Variants in RAB9B observed in about 807,000 individuals in gnomAD.
RAB9B encodes ras-related protein Rab-9B.
RAB9B carries 1 observed loss-of-function variant against 8.9 expected under a neutral mutation model. The ratio of observed to expected loss-of-function variants is 0.11; its 90% CI spans 0.04 to 0.53. The LOEUF (loss-of-function observed/expected upper bound fraction) is 0.53, where lower values mean the gene tolerates loss of function less well. Among genes scored for constraint, RAB9B ranks in the 20% least tolerant of loss-of-function variants. The pLI is 0.93. For synonymous variants in RAB9B, 63 were observed against 57.0 expected (o/e 1.10, Z -0.47); for missense variants, 82 against 152.9 (o/e 0.54, Z 2.45).
Position 103,823,261 on chromosome X carries a change from A to G in RAB9B, c.*1918T>C, listed in dbSNP as rs2074669740. On this transcript the variant is annotated 3_prime_UTR_variant, in exon 3 of 3. Coordinates refer to ENST00000243298, the MANE Select transcript of RAB9B (RefSeq NM_016370.4). ...GAAACCAGTGTGGCTGGCTATAGGC[A>G]TAGGCAGGATAGGGACCAGTACTTA... The G allele has an allele frequency of 1.8e-5, 2 of 112,128 alleles. No homozygotes were observed. The highest frequency in any genetic ancestry group is 6.5e-5 in the African/African-American group (2 of 30,845). The allele number at this position is 112,128 out of a possible 1,213,427, so 9.2% of individuals were successfully genotyped here.
intron 1 of RAB9B, among the ~76,000 whole-genome samples, chrX:103,827,471 T>A (rs2074687602): frequency 9.0e-6 from 1 of 111,181 alleles, no homozygotes; most frequent in Non-Finnish European, 1.9e-5. Context: ...ACTTCTTCCT[T>A]TTATACCTAC....
chrX:103,778,475 C>T, the RAB9B span, among the ~76,000 whole-genome samples: 2 of 111,350 alleles, frequency 1.8e-5, no homozygotes, highest in East Asian at 2.8e-4. Flanking sequence ...TAATGTCAGC[C>T]GAGCTGACTG....
At chrX:103,821,685 G>T (rs2074661373), downstream of RAB9B, among the ~76,000 whole-genome samples, 1 of 111,858 alleles carries the variant, frequency 8.9e-6, no homozygotes, top group Admixed American at 9.5e-5. Flanking sequence ...CAATTCACCA[G>T]TCAGGAAAAT....
chrX:103,797,478 T>C, the RAB9B span, among the ~76,000 whole-genome samples: 26,995 of 111,281 alleles, frequency 0.24, 2,704 homozygotes, highest in Admixed American at 0.33. Context: ...GCTAGGGTTA[T>C]ACTTTTACAG....
chrX:103,782,814 G>T, the RAB9B span, among the ~76,000 whole-genome samples: 798 of 111,557 alleles, frequency 7.2e-3, 6 homozygotes, highest in African/African-American at 0.025. Flanking sequence ...CCGGCTGCAG[G>T]CCCCTGTGGA....
At chrX:103,827,291 C>A (rs1381441475) in intron 1 of RAB9B, among the ~76,000 whole-genome samples, 1 of 111,515 alleles carries the variant, frequency 9.0e-6, no homozygotes, top group Non-Finnish European at 1.9e-5. Context: ...TTTAACTTAT[C>A]CTAATTTGTA....
the RAB9B span, among the ~76,000 whole-genome samples, chrX:103,785,352 C>A: frequency 1.8e-5 from 2 of 112,775 alleles, no homozygotes; most frequent in Non-Finnish European, 3.7e-5. Context: ...GCTGGGATTA[C>A]AGGCATGAGC....
the RAB9B span, among the ~76,000 whole-genome samples, chrX:103,784,892 G>A: frequency 8.9e-6 from 1 of 112,172 alleles, no homozygotes; most frequent in Non-Finnish European, 1.9e-5. Flanking sequence ...GGCATATAGT[G>A]AGTATTCCAT....
chrX:103,791,489 C>G, the RAB9B span: 2 of 112,225 alleles, frequency 1.8e-5, no homozygotes, highest in African/African-American at 6.5e-5. Flanking sequence ...CCTGAGATGG[C>G]CCTCTGGTAG....
chrX:103,816,086 A>T, the RAB9B span, among the ~76,000 whole-genome samples: 1 of 111,119 alleles, frequency 9.0e-6, no homozygotes, highest in South Asian at 3.8e-4. Context: ...ACTACTTTAT[A>T]CTTCATATGG....
At chrX:103,827,422 G>A (rs1038868904) in intron 1 of RAB9B, among the ~76,000 whole-genome samples, 24 of 111,357 alleles carry the variant, frequency 2.2e-4, no homozygotes, top group African/African-American at 7.2e-4. Flanking sequence ...AAAGTACAGA[G>A]CAATCTAAGA....
At chrX:103,796,166 T>C in the RAB9B span, among the ~76,000 whole-genome samples, 2 of 112,341 alleles carry the variant, frequency 1.8e-5, no homozygotes, top group South Asian at 3.7e-4. Context: ...TGTCTTGGTG[T>C]TAAAGAAGAT....
Position 103,823,379 on chromosome X carries a change from G to C in RAB9B, c.*1800C>G, listed in dbSNP as rs1263684467. The C allele has an allele frequency of 9.0e-6, 1 of 111,521 alleles. No individual in the cohort carries two copies. Among genetic ancestry groups the C allele is most frequent in the African/African-American group, 3.3e-5 (1 of 30,642 alleles). The allele number at this position is 111,521 out of a possible 1,213,427, so 9.2% of individuals were successfully genotyped here. A position where few individuals can be genotyped will look rare whatever the true frequency, so the allele number is the denominator to read the frequency against. On this transcript the variant is annotated 3_prime_UTR_variant, in exon 3 of 3. Coordinates refer to ENST00000243298, the MANE Select transcript of RAB9B (RefSeq NM_016370.4). Reference sequence around the variant, plus strand: ...ATTATATCTTAATTGGAAATATTGAGTATGACTGAGTTGAAATACTGTCCT... The same window carrying C: ...ATTATATCTTAATTGGAAATATTGACTATGACTGAGTTGAAATACTGTCCT...
the RAB9B span, among the ~76,000 whole-genome samples, chrX:103,810,583 C>T: frequency 4.5e-5 from 5 of 111,794 alleles, no homozygotes; most frequent in Admixed American, 3.8e-4. Flanking sequence ...GCATAACCTG[C>T]GTGACTCTTC....
chrX:103,794,063 G>T, the RAB9B span, among the ~76,000 whole-genome samples: 29 of 111,736 alleles, frequency 2.6e-4, no homozygotes, highest in Admixed American at 6.7e-4. Context: ...AAGTTTGGGG[G>T]CAGTGTGGGT....
At chrX:103,796,526 C>G in the RAB9B span, among the ~76,000 whole-genome samples, 2 of 110,898 alleles carry the variant, frequency 1.8e-5, no homozygotes, top group Non-Finnish European at 3.8e-5. Context: ...TGTAAGCAGC[C>G]TTGCCTCCAA....
the RAB9B span, among the ~76,000 whole-genome samples, chrX:103,787,314 A>G: frequency 1.8e-5 from 2 of 111,290 alleles, no homozygotes; most frequent in African/African-American, 6.6e-5. Context: ...TGGCGGCTGA[A>G]CATGTGTGGG....
chrX:103,783,363 A>G, the RAB9B span, among the ~76,000 whole-genome samples: 2 of 112,625 alleles, frequency 1.8e-5, no homozygotes, highest in Admixed American at 1.9e-4. Flanking sequence ...ATTGCTTCTT[A>G]TAGAGGCCAA....
chrX:103,810,941 A>T, the RAB9B span, among the ~76,000 whole-genome samples: 1 of 111,787 alleles, frequency 8.9e-6, no homozygotes, highest in Non-Finnish European at 1.9e-5. Flanking sequence ...AAACCTGGGG[A>T]TATTTCAAGT....
Sources: allele counts gnomAD v4.1 joint callset (sites outside exome capture counted in the v4.1 genomes callset), GRCh38; gene constraint gnomAD v4.1.1; transcripts MANE v1.5; gene names NCBI Gene and HGNC (gene_info 2026-07-23, HGNC 2026-07-21).